Variants in GALNT18 observed in about 807,000 individuals in gnomAD.
The protein encoded by GALNT18 is polypeptide N-acetylgalactosaminyltransferase 18, also known as GalNAc-transferase 18.
GALNT18 carries 44 observed loss-of-function variants against 69.5 expected under a neutral mutation model. The observed-to-expected ratio is 0.63, with a 90% CI of 0.50 to 0.81. The LOEUF is 0.81. Among genes scored for constraint, GALNT18 ranks in the 40% least tolerant of loss-of-function variants. The pLI is 0.00. For synonymous variants in GALNT18, 364 were observed against 318.2 expected (o/e 1.14, Z -1.53); for missense variants, 715 against 810.0 (o/e 0.88, Z 1.42).
intron 3 of GALNT18, among the ~76,000 whole-genome samples, chr11:11,380,986 G>A (rs1564920450): frequency 6.6e-6 from 1 of 152,184 alleles, no homozygotes; most frequent in Non-Finnish European, 1.5e-5. Context: ...TTCCAGCCTG[G>A]AGAAAACTCG....
chr11:11,492,978 T>C (rs1460587413), intron 1 of GALNT18, among the ~76,000 whole-genome samples: 1 of 152,114 alleles, frequency 6.6e-6, no homozygotes, highest in Non-Finnish European at 1.5e-5. Context: ...TTAAAATTTC[T>C]TGGGCCGGGT....
At position 11,619,984 on chromosome 11, in the gene GALNT18, C is replaced by G. The variant is rs763951042; in HGVS notation, c.235+1375G>C. Among the ~76,000 whole-genome samples, 1 of 152,138 alleles carries G rather than the reference C, an allele frequency of 6.6e-6. No individual in the cohort carries two copies. The highest frequency in any genetic ancestry group is 1.5e-5 in the Non-Finnish European group (1 of 68,020). On this transcript the variant is annotated intron_variant, in intron 1 of 10. Transcript: ENST00000227756. This position sits in a 1 kb window ranked among gnomAD's most constrained non-coding sequence, Gnocchi z 4.9. Reference sequence around the variant, plus strand: ...CCTCTCCTGCACTCACCTGAACCTCCCTGAACCTTCCCCTCCTGGAAAGGA... The same window carrying G: ...CCTCTCCTGCACTCACCTGAACCTCGCTGAACCTTCCCCTCCTGGAAAGGA...
intron 10 of GALNT18, among the ~76,000 whole-genome samples, chr11:11,281,254 G>T (rs1337970909): frequency 6.6e-6 from 1 of 152,130 alleles, no homozygotes; most frequent in East Asian, 1.9e-4. Flanking sequence ...CTGGCGGTTA[G>T]CTGTGTGGCC....
chr11:11,483,793 C>T (rs747241000), intron 1 of GALNT18, among the ~76,000 whole-genome samples: 1 of 152,170 alleles, frequency 6.6e-6, no homozygotes, highest in Non-Finnish European at 1.5e-5. Flanking sequence ...GGGAGGTGTG[C>T]TTTCAGGATG....
At chr11:11,284,681 T>G (rs992852161) in intron 10 of GALNT18, among the ~76,000 whole-genome samples, 1 of 152,204 alleles carries the variant, frequency 6.6e-6, no homozygotes, top group Non-Finnish European at 1.5e-5. Flanking sequence ...CTTTTTTAAT[T>G]AATTTTCCAT....
In GALNT18 at chr11:11,606,958, G is replaced by C. The variant is rs568094785; in HGVS notation, c.235+14401C>G. 6.6e-6 allele frequency among the ~76,000 whole-genome samples: 1 copy of C among 152,176 alleles called. No individual in the cohort carries two copies. Among genetic ancestry groups the C allele is most frequent in the Non-Finnish European group, 1.5e-5 (1 of 68,028 alleles). ...CTAACATGGTCTGATTTTAACTAGA[G>C]AGCCTTCAGACAAGAGCCTTCACCA... On this transcript the variant is annotated intron_variant, in intron 1 of 10. Coordinates refer to ENST00000227756, the MANE Select transcript of GALNT18 (RefSeq NM_198516.3). This position sits in a 1 kb window ranked among gnomAD's most constrained non-coding sequence, Gnocchi z 5.4.
At position 11,509,302 on chromosome 11, in the gene GALNT18, C is replaced by A. The variant is rs553232706; in HGVS notation, c.236-60366G>T. On this transcript the variant is annotated intron_variant, in intron 1 of 10. Coordinates refer to ENST00000227756, the MANE Select transcript of GALNT18 (RefSeq NM_198516.3). ...AAATATTTTTGAAACAATTTGATATCCAAAGAAAGATTTTTTAAACATTTA... is the reference window on the plus strand; with the variant it reads ...AAATATTTTTGAAACAATTTGATATACAAAGAAAGATTTTTTAAACATTTA... Among the ~76,000 whole-genome samples the A allele has an allele frequency of 2.0e-4, 30 of 152,138 alleles. No individual in the cohort carries two copies. In the South Asian group the frequency reaches 5.4e-3, roughly 27 times the overall value.
At position 11,314,568 on chromosome 11, in the gene GALNT18, C is replaced by T. The variant is rs1194971685; in HGVS notation, c.1512+12518G>A. Among the ~76,000 whole-genome samples the T allele has an allele frequency of 1.3e-5, 2 of 152,170 alleles. No individual in the cohort carries two copies. Among genetic ancestry groups the T allele is most frequent in the African/African-American group, 4.8e-5 (2 of 41,440 alleles). On this transcript the variant is annotated intron_variant, in intron 9 of 10. Transcript: ENST00000227756. This position sits in a 1 kb window ranked among gnomAD's most constrained non-coding sequence, Gnocchi z 5.2. ...GGCAGGAGATGGCTGGTCTGCCTCT[C>T]TTTTGCAACTACCAAAAGAGAAATG...
rs1234359466 is a variant in GALNT18, at chr11:11,372,236, G to A, written c.1092+279C>T. Among the ~76,000 whole-genome samples, 1 of 152,114 alleles carries A rather than the reference G, an allele frequency of 6.6e-6. No homozygotes were observed. The highest frequency in any genetic ancestry group is 1.5e-5 in the Non-Finnish European group (1 of 68,016). ...AGCACACCTTTGCTCACTCTGATGGGCCTCAGTTTGATTTTAAAAGAGGCT... is the reference window on the plus strand; with the variant it reads ...AGCACACCTTTGCTCACTCTGATGGACCTCAGTTTGATTTTAAAAGAGGCT... On this transcript the variant is annotated intron_variant, in intron 6 of 10. Transcript: ENST00000227756. This position sits in a 1 kb window ranked among gnomAD's most constrained non-coding sequence, Gnocchi z 4.9.
chr11:11,477,641 C>T (rs980307770), intron 1 of GALNT18, among the ~76,000 whole-genome samples: 2 of 152,168 alleles, frequency 1.3e-5, no homozygotes, highest in African/African-American at 4.8e-5. Context: ...GAATTAACAG[C>T]GAGTTTAAGT....
intron 1 of GALNT18, among the ~76,000 whole-genome samples, chr11:11,466,289 C>T (rs1363991903): frequency 3.9e-5 from 6 of 152,126 alleles, no homozygotes; most frequent in South Asian, 2.1e-4. Context: ...GCCACCTTTA[C>T]GTGAATATTG....
intron 6 of GALNT18, among the ~76,000 whole-genome samples, chr11:11,345,050 G>A (rs953936878): frequency 4.6e-5 from 7 of 152,090 alleles, no homozygotes; most frequent in African/African-American, 1.7e-4. Flanking sequence ...CCACCTTTGG[G>A]GAGCAAACAG....
intron 1 of GALNT18, among the ~76,000 whole-genome samples, chr11:11,554,109 C>G (rs1264103384): frequency 6.6e-6 from 1 of 152,190 alleles, no homozygotes; most frequent in Non-Finnish European, 1.5e-5. Flanking sequence ...GTCACCACTC[C>G]CTCCGCTGAC....
rs995183214 is a variant in GALNT18, at chr11:11,439,075, A to G, written c.429-6288T>C. Among the ~76,000 whole-genome samples the G allele has an allele frequency of 6.6e-6, 1 of 152,208 alleles. No homozygotes were observed. The highest frequency in any genetic ancestry group is 2.4e-5 in the African/African-American group (1 of 41,462). ...ACAGAAGCTCTGCGTAGCTGGATCT[A>G]GTAATTTTAAAGAATGACCAGTGGC... On this transcript the variant is annotated intron_variant, in intron 2 of 10. Coordinates refer to ENST00000227756, the MANE Select transcript of GALNT18 (RefSeq NM_198516.3). The surrounding 1 kb of genome is among the most constrained non-coding windows in gnomAD (Gnocchi z 4.4).
chr11:11,568,757 C>T (rs754243696), intron 1 of GALNT18, among the ~76,000 whole-genome samples: 1 of 152,294 alleles, frequency 6.6e-6, no homozygotes, highest in Middle Eastern at 3.4e-3. Flanking sequence ...CCTGGGTGAC[C>T]TAGTACAAGT....
Position 11,402,162 on chromosome 11 carries a change from G to T in GALNT18, c.596-22898C>A, listed in dbSNP as rs543441524. 1.3e-5 allele frequency among the ~76,000 whole-genome samples: 2 copies of T among 152,318 alleles called. No homozygotes were observed. The highest frequency in any genetic ancestry group is 4.8e-5 in the African/African-American group (2 of 41,568). On this transcript the variant is annotated intron_variant, in intron 3 of 10. Coordinates refer to ENST00000227756, the MANE Select transcript of GALNT18 (RefSeq NM_198516.3). This position sits in a 1 kb window ranked among gnomAD's most constrained non-coding sequence, Gnocchi z 4.0. ...AGGCAGAAAGGCTAGAAAGCAAATA[G>T]GCACCAGAAGAATCATGCAATCATG...
At position 11,444,250 on chromosome 11, in the gene GALNT18, C is replaced by T. The variant is rs896070422; in HGVS notation, c.428+4494G>A. Among the ~76,000 whole-genome samples the T allele has an allele frequency of 1.3e-5, 2 of 152,036 alleles. No homozygotes were observed. Among genetic ancestry groups the T allele is most frequent in the Non-Finnish European group, 2.9e-5 (2 of 68,004 alleles). On this transcript the variant is annotated intron_variant, in intron 2 of 10. Transcript: ENST00000227756. The surrounding 1 kb of genome is among the most constrained non-coding windows in gnomAD (Gnocchi z 4.4). ...ACAGAGAGGTGCCTTGCAGATGCCA[C>T]CCTCCAGGCCCTGCCTCCCTGCCAC...
In GALNT18 at chr11:11,372,150, G is replaced by A. The variant is rs1382632254; in HGVS notation, c.1092+365C>T. ...AGACTGTCAAAGTGAGAAATCCCAA[G>A]GGGAGCTGACTCAGGGTCACTCTTG... On this transcript the variant is annotated intron_variant, in intron 6 of 10. Transcript: ENST00000227756. This position sits in a 1 kb window ranked among gnomAD's most constrained non-coding sequence, Gnocchi z 4.9. 6.6e-6 allele frequency among the ~76,000 whole-genome samples: 1 copy of A among 152,180 alleles called. No homozygotes were observed. The highest frequency in any genetic ancestry group is 1.5e-5 in the Non-Finnish European group (1 of 68,032).
rs760748458 is a variant in GALNT18 at position 11,352,504 on chromosome 11, A to T, written c.1093-11500T>A. The T allele has an allele frequency of 1.7e-5, 28 of 1,614,086 alleles. No homozygotes were observed. In the South Asian group the frequency reaches 3.0e-4, roughly 17 times the overall value. On this transcript the variant is annotated intron_variant, in intron 6 of 10. Transcript: ENST00000227756. The stretch of plus-strand genomic sequence containing the variant: ...TCCAAACTATAATCGTACATCTGAT[A>T]GTCTACAAGTAGCTCAGGACCTTTG...
Sources: allele counts gnomAD v4.1 joint callset (sites outside exome capture counted in the v4.1 genomes callset), GRCh38; gene constraint gnomAD v4.1.1; non-coding constraint Gnocchi (gnomAD v3.1); transcripts MANE v1.5; gene names NCBI Gene and HGNC (gene_info 2026-07-23, HGNC 2026-07-21).